The following PIK3CD variants were observed in gnomAD, a reference collection of about 807,000 sequenced individuals.
PIK3CD encodes the protein phosphatidylinositol-4,5-bisphosphate 3-kinase catalytic subunit delta, also known as phosphatidylinositol 4,5-bisphosphate 3-kinase catalytic subunit delta isoform.
Under a neutral mutation model 122.9 loss-of-function variants are expected in PIK3CD, and 20 were observed. That is an observed-to-expected ratio of 0.16 (90% CI 0.11 to 0.24). The LOEUF is 0.24. Among genes scored for constraint, PIK3CD ranks in the 10% least tolerant of loss-of-function variants. The pLI, the probability that PIK3CD is intolerant of heterozygous loss-of-function variation, is 1.00. For synonymous variants in PIK3CD, 596 were observed against 593.4 expected, an observed-to-expected ratio of 1.00 and a Z score of -0.06; for missense variants, 787 against 1,406.3, an observed-to-expected ratio of 0.56 and a Z score of 7.04.
Position 9,721,743 on chromosome 1 carries a change from C to T in PIK3CD, c.1956-18C>T, listed in dbSNP as rs1277108902. 14 of 1,612,144 alleles carry T rather than the reference C, an allele frequency of 8.7e-6. No homozygotes were observed. The highest frequency in any genetic ancestry group is 6.7e-5 in the East Asian group (3 of 44,874). On this transcript the variant is annotated intron_variant, in intron 15 of 23. Coordinates refer to ENST00000377346, the MANE Select transcript of PIK3CD (RefSeq NM_005026.5). ...GTGGTGCTGCCTGGTGAGGCTCAGC[C>T]CTCCCTTCACCTTCCAGCTCCGAGA...
intron 1 of PIK3CD, chr1:9,654,096 T>C (rs1644764140): frequency 8.5e-7 from 1 of 1,173,078 alleles, no homozygotes; most frequent in African/African-American, 1.6e-5. Context: ...AACAACCCAG[T>C]TGCCTGCTCC....
In PIK3CD at chr1:9,703,648, G is replaced by A. The variant is rs567990183; in HGVS notation, c.-32-6776G>A. Among the ~76,000 whole-genome samples the A allele has an allele frequency of 2.0e-4, 31 of 152,268 alleles. No homozygotes were observed. The South Asian group carries it at 5.2e-3, about 25-fold the overall frequency. Reference sequence around the variant, plus strand: ...GGCAGCTGCTTTTGCCCAGCTTTATGTGTGTGAGAGTCATCGATACTGTTG... The same window carrying A: ...GGCAGCTGCTTTTGCCCAGCTTTATATGTGTGAGAGTCATCGATACTGTTG... On this transcript the variant is annotated intron_variant, in intron 2 of 23. Coordinates refer to ENST00000377346, the MANE Select transcript of PIK3CD (RefSeq NM_005026.5).
chr1:9,707,392 G>A (rs1646879631), intron 2 of PIK3CD, among the ~76,000 whole-genome samples: 1 of 150,796 alleles, frequency 6.6e-6, no homozygotes, highest in Admixed American at 6.6e-5. Context: ...TAAGTTCAGG[G>A]GTACGTTGCA....
chr1:9,708,736 C>G (rs1186778977), intron 2 of PIK3CD, among the ~76,000 whole-genome samples: 1 of 151,928 alleles, frequency 6.6e-6, no homozygotes. Context: ...GTAATCCCAG[C>G]TACTCGGGAG....
At position 9,704,864 on chromosome 1, in the gene PIK3CD, G is replaced by C. The variant is rs1646769535; in HGVS notation, c.-32-5560G>C. The stretch of plus-strand genomic sequence containing the variant: ...GAAGACTTTGGCTTGGCCATTCTCA[G>C]CAAGAGGAACCCAAAGTAGGATGTG... On this transcript the variant is annotated intron_variant, in intron 2 of 23. Transcript: ENST00000377346. This position sits in a 1 kb window ranked among gnomAD's most constrained non-coding sequence, Gnocchi z 5.0. Among the ~76,000 whole-genome samples the C allele has an allele frequency of 6.6e-6, 1 of 152,192 alleles. No homozygotes were observed. Among genetic ancestry groups the C allele is most frequent in the Non-Finnish European group, 1.5e-5 (1 of 68,038 alleles).
the PIK3CD span, among the ~76,000 whole-genome samples, chr1:9,627,718 C>T: frequency 4.5e-4 from 68 of 152,168 alleles, no homozygotes; most frequent in Non-Finnish European, 4.4e-4. Context: ...AAGGGAAGGG[C>T]GGCCAGGCCT....
chr1:9,724,861 C>T lies in PIK3CD; in HGVS notation c.2922C>T (p.Phe974=), dbSNP rs753648373. ...TCCTGCGGCGCCACGGGCTTCTCTT[C>T]CTCCACCTCTTTGCCCTGATGCGGG... ...YTILRRHGLL[F]LHLFALMRAA... The change falls in exon 23 of 24, where the codon TTC becomes TTT. Residue 974 remains phenylalanine, a synonymous_variant. Coordinates refer to ENST00000377346, the MANE Select transcript of PIK3CD (RefSeq NM_005026.5). This position sits in a 1 kb window ranked among gnomAD's most constrained non-coding sequence, Gnocchi z 7.3. The T allele has an allele frequency of 1.9e-6, 3 of 1,614,056 alleles. No homozygotes were observed. The highest frequency in any genetic ancestry group is 2.2e-5 in the South Asian group (2 of 91,088).
chr1:9,710,000 C>T (rs1216028716), intron 2 of PIK3CD, among the ~76,000 whole-genome samples: 4 of 150,360 alleles, frequency 2.7e-5, no homozygotes, highest in East Asian at 1.9e-4. Flanking sequence ...AGCAAGACTC[C>T]GGCTCAAAAA....
In PIK3CD at chr1:9,724,514, G is replaced by A; in HGVS notation, c.2864+93G>A. ...CAGGCAGGGTGCAGGATGGGGCTCA[G>A]GTCTCAACCCCACACCTGGCCCCTC... is the stretch of plus-strand genomic sequence containing the variant. On this transcript the variant is annotated intron_variant, in intron 22 of 23. Transcript: ENST00000377346. The surrounding 1 kb of genome is among the most constrained non-coding windows in gnomAD (Gnocchi z 7.3). 7.0e-7 allele frequency: 1 copy of A among 1,422,208 alleles called. No homozygotes were observed. Among genetic ancestry groups the A allele is most frequent in the Non-Finnish European group, 9.8e-7 (1 of 1,015,680 alleles). 88.1% of individuals were successfully genotyped at this position (1,422,208 alleles called of 1,614,324 possible). A position where few individuals can be genotyped will look rare whatever the true frequency, so the allele number is the denominator to read the frequency against.
intron 5 of PIK3CD, 146 bp downstream of exon 5, chr1:9,716,224 A>T: frequency 1.2e-6 from 1 of 852,602 alleles, no homozygotes; most frequent in Non-Finnish European, 1.9e-6. Flanking sequence ...TGTGGGGCTC[A>T]ACTGAACGTC....
intron 1 of PIK3CD, among the ~76,000 whole-genome samples, chr1:9,684,951 C>G (rs1645913157): frequency 6.6e-6 from 1 of 151,690 alleles, no homozygotes; most frequent in Admixed American, 6.6e-5. Context: ...CAACTCCTGC[C>G]CCAGGTCACA....
chr1:9,709,913 G>T (rs1280631425), intron 2 of PIK3CD, among the ~76,000 whole-genome samples: 1 of 152,090 alleles, frequency 6.6e-6, no homozygotes, highest in African/African-American at 2.4e-5. Context: ...GGCTGAGGCA[G>T]GAGAATCTCT....
In PIK3CD at chr1:9,715,620, ACC is replaced by A; in HGVS notation, c.222_223del (p.Asn74LysfsTer17). ...GAGGCCTATGTGTTCACCTGCATCA[ACC>A]AGACAGCGGAGCAGCAAGAGCTGGA... On this transcript the variant is annotated frameshift_variant, in exon 4 of 24. Transcript: ENST00000377346. LOFTEE classifies it high-confidence loss of function. This position sits in a 1 kb window ranked among gnomAD's most constrained non-coding sequence, Gnocchi z 4.1. 6.2e-7 allele frequency: 1 copy of A among 1,613,846 alleles called. No individual in the cohort carries two copies. The highest frequency in any genetic ancestry group is 1.3e-5 in the African/African-American group (1 of 75,076).
At chr1:9,716,170 TC>T in intron 5 of PIK3CD, 92 bp downstream of exon 5, 2 of 1,094,086 alleles carry the variant, frequency 1.8e-6, no homozygotes, top group Non-Finnish European at 1.4e-6. Context: ...CAAGCCCCCC[TC>T]CCCCAGTGGC....
chr1:9,654,537 T>A, intron 1 of PIK3CD: 1 of 651,926 alleles, frequency 1.5e-6, no homozygotes. Context: ...GAGGTGGGAG[T>A]GGGGATGGTG....
chr1:9,658,639 C>T (rs1195693639), intron 1 of PIK3CD, among the ~76,000 whole-genome samples: 1 of 149,012 alleles, frequency 6.7e-6, no homozygotes, highest in African/African-American at 2.5e-5. Flanking sequence ...AGGAGATTCT[C>T]CTGCCTCAGC....
chr1:9,636,998 C>G, the PIK3CD span, among the ~76,000 whole-genome samples: 1,228 of 151,974 alleles, frequency 8.1e-3, 27 homozygotes, highest in Admixed American at 0.046. Flanking sequence ...CCCAGGTTCA[C>G]ACCATTCTCC....
Position 9,708,382 on chromosome 1 carries a change from A to G in PIK3CD, c.-32-2042A>G, listed in dbSNP as rs1294310630. ...TTTTTAGTGGAGACAGGATTTTGCC[A>G]TGTTGGCCAGGCTGGTCTCGAACTC... On this transcript the variant is annotated intron_variant, in intron 2 of 23. Transcript: ENST00000377346. 4.0e-5 allele frequency among the ~76,000 whole-genome samples: 6 copies of G among 151,276 alleles called. No homozygotes were observed. The East Asian group carries it at 1.2e-3, about 30-fold the overall frequency.
chr1:9,727,754 C>T lies in PIK3CD; in HGVS notation c.*708C>T, dbSNP rs149249497. The T allele has an allele frequency of 1.3e-3, 277 of 207,466 alleles. 1 individual carries two copies. Among genetic ancestry groups the T allele is most frequent in the African/African-American group, 5.9e-3 (260 of 43,880 alleles). 12.9% of individuals were successfully genotyped at this position (207,466 alleles called of 1,614,324 possible). The stretch of plus-strand genomic sequence containing the variant: ...GGCCTCATGTAGCTCACCCCGGTCA[C>T]GCATGAAGGCAAAAGCAGGTCAGAA... On this transcript the variant is annotated 3_prime_UTR_variant, in exon 24 of 24. Coordinates refer to ENST00000377346, the MANE Select transcript of PIK3CD (RefSeq NM_005026.5).
Sources: gnomAD v4.1 joint callset for allele counts (sites outside exome capture counted in the v4.1 genomes callset) on GRCh38, gnomAD v4.1.1 for gene constraint, Gnocchi (gnomAD v3.1) non-coding constraint, MANE v1.5 for transcripts, NCBI Gene and HGNC (gene_info 2026-07-23, HGNC 2026-07-21) for gene names.